METTL15: variants seen among roughly 807,000 people sequenced by gnomAD.
METTL15 encodes the protein 12S rRNA N(4)-cytidine methyltransferase METTL15.
In METTL15, 34 loss-of-function variants were observed where a neutral mutation model predicts 38.3. The ratio of observed to expected loss-of-function variants is 0.89; its 90% CI spans 0.68 to 1.18. The LOEUF is 1.18. METTL15 is among the 50% of genes most tolerant of loss of function. The probability of loss-of-function intolerance (pLI) is 0.00; values close to 1 mark genes in which losing one functional copy is unlikely to be tolerated. For missense variants in METTL15, 438 were observed against 498.4 expected, an observed-to-expected ratio of 0.88 and a Z score of 1.15; for synonymous variants, 162 against 170.9, an observed-to-expected ratio of 0.95 and a Z score of 0.41.
At chr11:28,248,343 T>C (rs575219382) in intron 4 of METTL15, among the ~76,000 whole-genome samples, 2 of 152,026 alleles carry the variant, frequency 1.3e-5, no homozygotes, top group African/African-American at 2.4e-5. Context: ...GCAAGGAAAG[T>C]TGGGGTAATT....
intron 3 of METTL15, chr11:28,164,196 TCA>T (rs914142389): frequency 9.9e-5 from 15 of 152,154 alleles, no homozygotes; most frequent in African/African-American, 2.9e-4. Context: ...ATGCAGAAGC[TCA>T]CACACGTAAC....
intron 3 of METTL15, among the ~76,000 whole-genome samples, chr11:28,340,331 C>T (rs1247474029): frequency 1.3e-5 from 2 of 152,012 alleles, no homozygotes; most frequent in Non-Finnish European, 2.9e-5. Context: ...GTCCGATGTG[C>T]CCTCTCTATA....
At chr11:28,329,622 A>G (rs1187687647) in intron 6 of METTL15, among the ~76,000 whole-genome samples, 1 of 152,098 alleles carries the variant, frequency 6.6e-6, no homozygotes, top group South Asian at 2.1e-4. Flanking sequence ...CCATTTATAT[A>G]GGTCTTTAAT....
chr11:28,378,305 G>A (rs1002198416), intron 5 of METTL15, among the ~76,000 whole-genome samples: 1 of 152,206 alleles, frequency 6.6e-6, no homozygotes, highest in African/African-American at 2.4e-5. Flanking sequence ...AGCAATCAGC[G>A]ATACTCCGTG....
chr11:28,125,783 A>T (rs1043024871), intron 3 of METTL15: 4 of 152,118 alleles, frequency 2.6e-5, no homozygotes, highest in Non-Finnish European at 5.9e-5. Context: ...TTGGATAAAA[A>T]ATCTTCTAAA....
chr11:28,390,515 G>C (rs576320933), intron 5 of METTL15, among the ~76,000 whole-genome samples: 1 of 152,032 alleles, frequency 6.6e-6, no homozygotes. Flanking sequence ...TTTTTCTCAG[G>C]TTTGTCAAAG....
intron 5 of METTL15, among the ~76,000 whole-genome samples, chr11:28,295,428 C>CA (rs1856695805): frequency 6.6e-6 from 1 of 151,956 alleles, no homozygotes. Flanking sequence ...GGCTACCTTA[C>CA]AAGACATTCA....
At chr11:28,217,102 G>C (rs1268845797) in intron 4 of METTL15, among the ~76,000 whole-genome samples, 3 of 152,220 alleles carry the variant, frequency 2.0e-5, no homozygotes, top group Non-Finnish European at 4.4e-5. Flanking sequence ...GGGTCAAATG[G>C]TATTTCTAAT....
chr11:28,159,319 A>G (rs1850370990), intron 3 of METTL15, among the ~76,000 whole-genome samples: 1 of 152,126 alleles, frequency 6.6e-6, no homozygotes, highest in African/African-American at 2.4e-5. Context: ...CAGGAGATCC[A>G]TTAGGGCATC....
In METTL15 at chr11:28,155,909, G is replaced by A. The variant is rs530276678; in HGVS notation, c.270+42305G>A. On this transcript the variant is annotated intron_variant, in intron 3 of 6. Coordinates refer to ENST00000407364, the MANE Select transcript of METTL15 (RefSeq NM_001113528.2). ...TTATAAGGATTACATCAGGAAGCAGGCTGTCTCTGTAAGGTCACTTATATG... is the reference window on the plus strand; with the variant it reads ...TTATAAGGATTACATCAGGAAGCAGACTGTCTCTGTAAGGTCACTTATATG... Among the ~76,000 whole-genome samples, 99 of 152,252 alleles carry A rather than the reference G, an allele frequency of 6.5e-4. 1 individual carries two copies. Among genetic ancestry groups the A allele is most frequent in the African/African-American group, 2.3e-3 (95 of 41,568 alleles).
intron 5 of METTL15, among the ~76,000 whole-genome samples, chr11:28,394,535 A>C (rs900240044): frequency 6.6e-6 from 1 of 152,060 alleles, no homozygotes; most frequent in Admixed American, 6.6e-5. Context: ...GCAGAGAATG[A>C]AAGTTCTCAA....
chr11:28,142,572 G>A (rs1007411042), intron 3 of METTL15, among the ~76,000 whole-genome samples: 3 of 152,092 alleles, frequency 2.0e-5, no homozygotes, highest in African/African-American at 4.8e-5. Context: ...CCTAGTGCAG[G>A]AGCTTAGCCC....
At chr11:28,237,181 A>C (rs943381660) in intron 4 of METTL15, among the ~76,000 whole-genome samples, 1 of 152,104 alleles carries the variant, frequency 6.6e-6, no homozygotes, top group Non-Finnish European at 1.5e-5. Context: ...CTCCTGGATA[A>C]TATCCTGCAG....
rs114805623 is a variant in METTL15, at chr11:28,296,649, A to G, written c.600-104A>G. ...CTGACTTTAAAACCTCACTTCTCCT[A>G]GAGTATGTGTGTGTGTCTGACTTTA... On this transcript the variant is annotated intron_variant, in intron 5 of 6. Coordinates refer to ENST00000407364, the MANE Select transcript of METTL15 (RefSeq NM_001113528.2). The G allele has an allele frequency of 3.6e-3, 4,250 of 1,184,234 alleles. 104 individuals are homozygous for G. In the African/African-American group the frequency reaches 0.056, roughly 16 times the overall value. 73.4% of individuals were successfully genotyped at this position (1,184,234 alleles called of 1,614,324 possible).
At chr11:28,455,709 T>C (rs748374629) in intron 6 of METTL15, among the ~76,000 whole-genome samples, 3 of 152,162 alleles carry the variant, frequency 2.0e-5, no homozygotes, top group Non-Finnish European at 2.9e-5. Flanking sequence ...TTTATTTTAT[T>C]TTATTTTATT....
chr11:28,386,229 T>TA (rs1229076958), intron 5 of METTL15, among the ~76,000 whole-genome samples: 2 of 151,900 alleles, frequency 1.3e-5, no homozygotes, highest in Non-Finnish European at 2.9e-5. Context: ...AAAAACAGTT[T>TA]AAAATGGCAG....
intron 5 of METTL15, among the ~76,000 whole-genome samples, chr11:28,379,043 A>G (rs748996610): frequency 1.1e-4 from 16 of 151,648 alleles, no homozygotes; most frequent in Middle Eastern, 3.4e-3. Flanking sequence ...GATACTTTGT[A>G]TTTCTGTGGT....
intron 6 of METTL15, among the ~76,000 whole-genome samples, chr11:28,518,253 C>T (rs1039794430): frequency 2.0e-5 from 3 of 152,202 alleles, no homozygotes; most frequent in Non-Finnish European, 4.4e-5. Flanking sequence ...CATGACACAT[C>T]TGGGTGGCAC....
intron 6 of METTL15, among the ~76,000 whole-genome samples, chr11:28,522,052 G>C (rs1399139643): frequency 1.3e-5 from 2 of 152,188 alleles, no homozygotes; most frequent in Non-Finnish European, 2.9e-5. Context: ...TGAAATGAAT[G>C]CTGTATCATT....
Sources: gnomAD v4.1 joint callset for allele counts (sites outside exome capture counted in the v4.1 genomes callset) on GRCh38, gnomAD v4.1.1 for gene constraint, MANE v1.5 for transcripts, NCBI Gene and HGNC (gene_info 2026-07-23, HGNC 2026-07-21) for gene names.